TMEM147: variants seen among roughly 807,000 people sequenced by gnomAD.
TMEM147 encodes the protein transmembrane protein 147.
Under a neutral mutation model 29.4 loss-of-function variants are expected in TMEM147, and 29 were observed. The observed-to-expected ratio is 0.99, with a 90% CI of 0.73 to 1.34. TMEM147 has a LOEUF of 1.34. Among genes scored for constraint, TMEM147 ranks in the 40% most tolerant of loss-of-function variants. The pLI, the probability that TMEM147 is intolerant of heterozygous loss-of-function variation, is 0.00. For missense variants in TMEM147, 260 were observed against 289.4 expected (o/e 0.90, Z 0.74); for synonymous variants, 121 against 111.8 (o/e 1.08, Z -0.52).
chr19:35,547,362 C>T lies in TMEM147; in HGVS notation c.590C>T (p.Ala197Val), dbSNP rs891379135. The change falls in exon 7 of 7, where the codon GCT becomes GTT. Residue 197 changes from alanine (A) to valine (V), a missense_variant. By Grantham distance (64) the Ala-to-Val change is moderately conservative. Coordinates refer to ENST00000222284, the MANE Select transcript of TMEM147 (RefSeq NM_032635.4). ...VHLCSLGSWA[A>V]LLARAVVTGL... ...CTCTGCTCGCTGGGCAGTTGGGCAG[C>T]TCTACTGGCCCGAGCAGTGGTAACG... 3 of 1,614,034 alleles carry T rather than the reference C, an allele frequency of 1.9e-6. No individual in the cohort carries two copies. The highest frequency in any genetic ancestry group is 1.7e-5 in the Admixed American group (1 of 60,020).
In TMEM147 at chr19:35,547,167, G is replaced by A; in HGVS notation, c.478G>A (p.Asp160Asn). 3 of 1,614,136 alleles carry A rather than the reference G, an allele frequency of 1.9e-6. No individual in the cohort carries two copies. The highest frequency in any genetic ancestry group is 2.5e-6 in the Non-Finnish European group (3 of 1,180,024). ...TCAGGTCTGGATGATAACACGCTAT[G>A]ATCTGTACCACACCTTCCGGCCAGC... is the stretch of plus-strand genomic sequence containing the variant. ...SAQVWMITRY[D>N]LYHTFRPAVL... is the part of the protein sequence containing the mutation. The change falls in exon 6 of 7, where the codon GAT becomes AAT. Residue 160 changes from aspartate (D) to asparagine (N), a missense_variant. Coordinates refer to ENST00000222284, the MANE Select transcript of TMEM147 (RefSeq NM_032635.4).
chr19:35,546,597 CAGGGA>C lies in TMEM147; in HGVS notation c.207+23_207+27del. 6.2e-7 allele frequency: 1 copy of C among 1,612,224 alleles called. No individual in the cohort carries two copies. The highest frequency in any genetic ancestry group is 8.5e-7 in the Non-Finnish European group (1 of 1,179,036). On this transcript the variant is annotated intron_variant, in intron 3 of 6. Transcript: ENST00000222284. ...ATGACTTCATTGGGGTGAGAGGGGC[CAGGGA>C]AGGGAAGGGAGTTCAGGAATGGGGC...
Position 35,546,768 on chromosome 19 carries a change from G to A in TMEM147, c.304G>A (p.Ala102Thr). ...AGKGEYKIMVAALGWATAELI... is the reference protein window; with the variant it reads ...AGKGEYKIMVTALGWATAELI... ...CAAGGGAGAGTACAAGATCATGGTT[G>A]CTGCCCTGGGCTGGGCCACTGCTGA... Residue 102 changes from alanine (A) to threonine (T), a missense_variant, in exon 4 of 7, where the codon GCT (alanine) becomes ACT (threonine). Ala to Thr is a moderately conservative substitution (Grantham distance 58). Coordinates refer to ENST00000222284, the MANE Select transcript of TMEM147 (RefSeq NM_032635.4). 4 of 1,614,232 alleles carry A rather than the reference G, an allele frequency of 2.5e-6. No homozygotes were observed. The highest frequency in any genetic ancestry group is 3.4e-6 in the Non-Finnish European group (4 of 1,180,040).
rs768366374 is a variant in TMEM147 at position 35,545,744 on chromosome 19, C to T, written c.5C>T (p.Thr2Ile). 4 of 1,611,918 alleles carry T rather than the reference C, an allele frequency of 2.5e-6. No individual in the cohort carries two copies. The African/African-American group carries it at 4.0e-5, about 16-fold the overall frequency. ...CGGGACCGGGCGGCCGGCATCATGACCCTGTTTCACTTCGGGAACTGCTTC... is the reference window on the plus strand; with the variant it reads ...CGGGACCGGGCGGCCGGCATCATGATCCTGTTTCACTTCGGGAACTGCTTC... M[T>I]LFHFGNCFAL... Residue 2 changes from threonine (T) to isoleucine (I), a missense_variant, in exon 1 of 7, where the codon ACC (threonine) becomes ATC (isoleucine). Coordinates refer to ENST00000222284, the MANE Select transcript of TMEM147 (RefSeq NM_032635.4).
chr19:35,546,529 C>T lies in TMEM147; in HGVS notation c.151C>T (p.Leu51=), dbSNP rs950491371. ...TCTTTCTGCTTTCTGTTCTCAGATG[C>T]TGTTCTTGGCCACTTTCTTTCCCAC... ...TYLFVQLCKM[L]FLATFFPTWE... Residue 51 remains leucine (L), a synonymous_variant, in exon 3 of 7, where the codon CTG becomes TTG. Transcript: ENST00000222284. 3 of 1,612,544 alleles carry T rather than the reference C, an allele frequency of 1.9e-6. No homozygotes were observed. In the African/African-American group the frequency reaches 4.0e-5, roughly 22 times the overall value.
In TMEM147 at chr19:35,546,865, G is replaced by T. The variant is rs866326293; in HGVS notation, c.344+57G>T. 5 of 1,614,154 alleles carry T rather than the reference G, an allele frequency of 3.1e-6. No homozygotes were observed. In the Middle Eastern group the frequency reaches 8.2e-4, roughly 266 times the overall value. Reference sequence around the variant, plus strand: ...GAGAAGGGACACCTGGGTTCCACGGGGGTGCTGGAGGGCAGGGGCTCAAAG... The same window carrying T: ...GAGAAGGGACACCTGGGTTCCACGGTGGTGCTGGAGGGCAGGGGCTCAAAG... On this transcript the variant is annotated intron_variant, in intron 4 of 6. Transcript: ENST00000222284.
At position 35,545,827 on chromosome 19, in the gene TMEM147, GAAGGGCGCGGGGCGGA is replaced by G; in HGVS notation, c.77+12_77+27del. On this transcript the variant is annotated intron_variant, in intron 1 of 6. Transcript: ENST00000222284. ...CAAGTGCAGCGGCCTGTGAGTGCGGGAAGGGCGCGGGGCGGAGAGGGCGCGGGGCCCGGGCCGACCC... is the reference window on the plus strand; with the variant it reads ...CAAGTGCAGCGGCCTGTGAGTGCGGGGAGGGCGCGGGGCCCGGGCCGACCC... 1 of 1,613,804 alleles carries G rather than the reference GAAGGGCGCGGGGCGGA, an allele frequency of 6.2e-7. No individual in the cohort carries two copies. Among genetic ancestry groups the G allele is most frequent in the African/African-American group, 1.3e-5 (1 of 75,074 alleles).
Position 35,547,017 on chromosome 19 carries a change from C to T in TMEM147, c.417C>T (p.Ser139=). The T allele has an allele frequency of 6.2e-7, 1 of 1,614,226 alleles. No homozygotes were observed. The highest frequency in any genetic ancestry group is 8.5e-7 in the Non-Finnish European group (1 of 1,180,044). The change falls in exon 5 of 7, where the codon TCC becomes TCT. Residue 139 remains serine, a synonymous_variant. Coordinates refer to ENST00000222284, the MANE Select transcript of TMEM147 (RefSeq NM_032635.4). ...AGTACATCCAGATGAGCATAGACTC[C>T]AACATCAGTCTGGTAGGCAGTCGTG... ...DWKYIQMSID[S]NISLVHYIVA...
intron 2 of TMEM147, 42 bp from the exon 3 acceptor site, chr19:35,546,484 C>T: frequency 6.3e-7 from 1 of 1,586,546 alleles, no homozygotes; most frequent in Non-Finnish European, 8.6e-7. Context: ...TTATCTTGAT[C>T]CCCTCACCTT....
rs774195118 is a variant in TMEM147 at position 35,546,732 on chromosome 19, C to T, written c.268C>T (p.Arg90Trp). 22 of 1,614,094 alleles carry T rather than the reference C, an allele frequency of 1.4e-5. No individual in the cohort carries two copies. The highest frequency in any genetic ancestry group is 1.3e-4 in the East Asian group (6 of 44,894). The change falls in exon 4 of 7, where the codon CGG becomes TGG. Residue 90 changes from arginine (R) to tryptophan (W), a missense_variant. By Grantham distance (101) the Arg-to-Trp change is moderately radical. Transcript: ENST00000222284. ...GATAGGTCTAAACCTTGTCATGTCC[C>T]GGAATGCCGGCAAGGGAGAGTACAA... ...DLIGLNLVMS[R>W]NAGKGEYKIM...
At chr19:35,546,430 C>A in intron 2 of TMEM147, 96 bp from the exon 3 acceptor site, 1 of 1,426,002 alleles carries the variant, frequency 7.0e-7, no homozygotes. Context: ...AGAACCTGTC[C>A]TGCCCTCTTC....
In TMEM147 at chr19:35,545,708, C is replaced by T. The variant is rs1421311929; in HGVS notation, c.-32C>T. On this transcript the variant is annotated 5_prime_UTR_variant, in exon 1 of 7. Coordinates refer to ENST00000222284, the MANE Select transcript of TMEM147 (RefSeq NM_032635.4). ...GCTCCCGGAGACGCCGCCTCGCGATCCCCGCGCGGGCGGGACCGGGCGGCC... is the reference window on the plus strand; with the variant it reads ...GCTCCCGGAGACGCCGCCTCGCGATTCCCGCGCGGGCGGGACCGGGCGGCC... 6.2e-7 allele frequency: 1 copy of T among 1,602,054 alleles called. No individual in the cohort carries two copies.
chr19:35,547,069 C>G, intron 5 of TMEM147, 40 bp downstream of exon 5: 2 of 1,614,188 alleles, frequency 1.2e-6, no homozygotes, highest in Non-Finnish European at 8.5e-7. Flanking sequence ...TTTCTGCTGG[C>G]GGCCATACTC....
At chr19:35,545,841 G>T (rs756574184) in intron 1 of TMEM147, 25 bp downstream of exon 1, 15 of 1,613,830 alleles carry the variant, frequency 9.3e-6, no homozygotes, top group Non-Finnish European at 1.3e-5. Context: ...GGCGCGGGGC[G>T]GAGAGGGCGC....
intron 5 of TMEM147, 41 bp downstream of exon 5, chr19:35,547,070 G>T (rs370012090): frequency 1.1e-5 from 17 of 1,614,066 alleles, no homozygotes; most frequent in East Asian, 2.2e-5. Context: ...TTCTGCTGGC[G>T]GCCATACTCC....
chr19:35,547,031 T>C lies in TMEM147; in HGVS notation c.429+2T>C, dbSNP rs2071566884. On this transcript the variant is annotated splice_donor_variant, in intron 5 of 6. Coordinates refer to ENST00000222284, the MANE Select transcript of TMEM147 (RefSeq NM_032635.4). LOFTEE classifies it high-confidence loss of function. ...AGCATAGACTCCAACATCAGTCTGGTAGGCAGTCGTGCTCTCCCACATACA... is the reference window on the plus strand; with the variant it reads ...AGCATAGACTCCAACATCAGTCTGGCAGGCAGTCGTGCTCTCCCACATACA... 2 of 1,614,094 alleles carry C rather than the reference T, an allele frequency of 1.2e-6. No homozygotes were observed. Among genetic ancestry groups the C allele is most frequent in the Admixed American group, 1.7e-5 (1 of 60,004 alleles).
chr19:35,545,633 T>G lies in TMEM147; in HGVS notation c.-107T>G. Reference sequence around the variant, plus strand: ...CGCGCGCGGGCCCCCGCCAGTCAGGTGGGTGCCAGGCCCTGGCCGTGGCGA... The same window carrying G: ...CGCGCGCGGGCCCCCGCCAGTCAGGGGGGTGCCAGGCCCTGGCCGTGGCGA... On this transcript the variant is annotated 5_prime_UTR_variant, in exon 1 of 7. Transcript: ENST00000222284. The G allele has an allele frequency of 8.1e-7, 1 of 1,237,088 alleles. No homozygotes were observed. Among genetic ancestry groups the G allele is most frequent in the Non-Finnish European group, 1.1e-6 (1 of 909,320 alleles). 76.6% of individuals were successfully genotyped at this position (1,237,088 alleles called of 1,614,324 possible).
rs1360748550 is a variant in TMEM147 at position 35,547,044 on chromosome 19, T to C, written c.429+15T>C. ...ACATCAGTCTGGTAGGCAGTCGTGC[T>C]CTCCCACATACACATTTCTGCTGGC... On this transcript the variant is annotated intron_variant, in intron 5 of 6. Transcript: ENST00000222284. 8 of 1,614,180 alleles carry C rather than the reference T, an allele frequency of 5.0e-6. No homozygotes were observed. Among genetic ancestry groups the C allele is most frequent in the Non-Finnish European group, 6.8e-6 (8 of 1,180,028 alleles).
rs1038589766 is a variant in TMEM147 at position 35,547,104 on chromosome 19, T to C, written c.430-15T>C. ...CCTCCCCAAGGCCTGGCCCCGACTT[T>C]CTGCCTCCCTCTAGGTCCATTACAT... On this transcript the variant is annotated splice_polypyrimidine_tract_variant and intron_variant, in intron 5 of 6. Coordinates refer to ENST00000222284, the MANE Select transcript of TMEM147 (RefSeq NM_032635.4). 1.9e-5 allele frequency: 31 copies of C among 1,614,100 alleles called. No homozygotes were observed. The highest frequency in any genetic ancestry group is 2.5e-5 in the Non-Finnish European group (29 of 1,180,050).
Sources: gnomAD v4.1 joint callset for allele counts on GRCh38, gnomAD v4.1.1 for gene constraint, MANE v1.5 for transcripts, NCBI Gene and HGNC (gene_info 2026-07-23, HGNC 2026-07-21) for gene names.